PGBD5: variants seen among roughly 807,000 people sequenced by gnomAD.
The protein encoded by PGBD5 is piggyBac transposable element derived 5, also known as piggyBac transposable element-derived protein 5.
Under a neutral mutation model 47.9 loss-of-function variants are expected in PGBD5, and 14 were observed. The observed-to-expected ratio is 0.29, with a 90% confidence interval of 0.19 to 0.46. PGBD5 has a LOEUF of 0.46. Among genes scored for constraint, PGBD5 ranks in the 20% least tolerant of loss-of-function variants. The pLI, the probability that PGBD5 is intolerant of heterozygous loss-of-function variation, is 1.00. For missense variants in PGBD5, 635 were observed against 716.0 expected, an observed-to-expected ratio of 0.89 and a Z score of 1.29; for synonymous variants, 316 against 306.3, an observed-to-expected ratio of 1.03 and a Z score of -0.33.
Position 230,318,890 on chromosome 1 carries a change from T to C in PGBD5, c.*4535A>G, listed in dbSNP as rs1666987770. ...CCTACCAGGCTAACTTCAGCTTCAG[T>C]AGTTGTTAAGCTCCAAAACACCCAT... On this transcript the variant is annotated 3_prime_UTR_variant, in exon 7 of 7. Coordinates refer to ENST00000391860, the MANE Select transcript of PGBD5 (RefSeq NM_001258311.2). 2 of 152,218 alleles carry C rather than the reference T, an allele frequency of 1.3e-5. No individual in the cohort carries two copies. The highest frequency in any genetic ancestry group is 1.5e-5 in the Non-Finnish European group (1 of 68,090). The allele number at this position is 152,218 out of a possible 1,614,324, so 9.4% of individuals were successfully genotyped here. A position where few individuals can be genotyped will look rare whatever the true frequency, so the allele number is the denominator to read the frequency against.
In PGBD5 at chr1:230,425,812, G is replaced by A. The variant is rs1657767034; in HGVS notation, c.117C>T (p.Asp39=). 3 of 1,209,118 alleles carry A rather than the reference G, an allele frequency of 2.5e-6. No homozygotes were observed. Among genetic ancestry groups the A allele is most frequent in the Admixed American group, 8.8e-5 (2 of 22,806 alleles). 74.9% of individuals were successfully genotyped at this position (1,209,118 alleles called of 1,614,324 possible). A position where few individuals can be genotyped will look rare whatever the true frequency, so the allele number is the denominator to read the frequency against. The stretch of plus-strand genomic sequence containing the variant: ...TGCTGTAGAAGGGGTTCCCGCCGCT[G>A]TCCGGGCCGGACTCGCCGAACACGT... ...SDDVFGESGP[D]SGGNPFYSTS... The change falls in exon 1 of 7, where the codon GAC becomes GAT. Residue 39 remains aspartate, a synonymous_variant. Transcript: ENST00000391860. The surrounding 1 kb of genome is among the most constrained non-coding windows in gnomAD (Gnocchi z 4.7).
chr1:230,402,994 C>A (rs1657180905), intron 1 of PGBD5, among the ~76,000 whole-genome samples: 2 of 152,174 alleles, frequency 1.3e-5, no homozygotes, highest in African/African-American at 4.8e-5. Flanking sequence ...GTGAACCGCA[C>A]ATCACTCCAT....
chr1:230,368,137 G>T, intron 1 of PGBD5: 1 of 1,367,868 alleles, frequency 7.3e-7, no homozygotes, highest in South Asian at 1.1e-5. Flanking sequence ...GTGGTGGTGA[G>T]GAGGAGGCTG....
Position 230,326,268 on chromosome 1 carries a change from G to A in PGBD5, c.1274-853C>T, listed in dbSNP as rs572313402. Reference sequence around the variant, plus strand: ...CCCCATCTCTACTAAAAATACAAAAGTTAGCTGGGCACGGTGGCAGGCGCC... The same window carrying A: ...CCCCATCTCTACTAAAAATACAAAAATTAGCTGGGCACGGTGGCAGGCGCC... On this transcript the variant is annotated intron_variant, in intron 5 of 6. Coordinates refer to ENST00000391860, the MANE Select transcript of PGBD5 (RefSeq NM_001258311.2). Among the ~76,000 whole-genome samples the A allele has an allele frequency of 4.3e-4, 65 of 152,162 alleles. 3 individuals are homozygous for A. The Middle Eastern group carries it at 0.01, about 24-fold the overall frequency.
intron 1 of PGBD5, among the ~76,000 whole-genome samples, chr1:230,368,330 G>A (rs866271756): frequency 4.6e-5 from 7 of 152,272 alleles, no homozygotes; most frequent in East Asian, 1.9e-4. Context: ...TGTGCGGCCC[G>A]GCAGGGCAGG....
In PGBD5 at chr1:230,381,372, C is replaced by T. The variant is rs375615735; in HGVS notation, c.332-24051G>A. 6.6e-4 allele frequency among the ~76,000 whole-genome samples: 101 copies of T among 152,362 alleles called. No homozygotes were observed. In the East Asian group the frequency reaches 0.015, roughly 23 times the overall value. ...GGGGAACATGCACACGCTGCTGCTG[C>T]CTGCACTCTGGAGCAGCCTCCTTCC... On this transcript the variant is annotated intron_variant, in intron 1 of 6. Transcript: ENST00000391860.
At chr1:230,351,802 T>C (rs1667564089) in intron 2 of PGBD5, among the ~76,000 whole-genome samples, 1 of 152,196 alleles carries the variant, frequency 6.6e-6, no homozygotes, top group Admixed American at 6.5e-5. Flanking sequence ...CAAGGCAATT[T>C]TGAAACTAAT....
intron 1 of PGBD5, among the ~76,000 whole-genome samples, chr1:230,360,488 G>T (rs1292454980): frequency 6.6e-6 from 1 of 152,180 alleles, no homozygotes; most frequent in African/African-American, 2.4e-5. Flanking sequence ...GTTGGGGAGG[G>T]ACCTCCATGG....
chr1:230,352,318 C>T (rs929672509), intron 2 of PGBD5, among the ~76,000 whole-genome samples: 2 of 152,158 alleles, frequency 1.3e-5, no homozygotes, highest in Non-Finnish European at 1.5e-5. Flanking sequence ...AATCAGTCAC[C>T]TGAGGATCCT....
chr1:230,352,259 C>A (rs572693991), intron 2 of PGBD5, among the ~76,000 whole-genome samples: 21 of 152,196 alleles, frequency 1.4e-4, no homozygotes, highest in Non-Finnish European at 2.5e-4. Flanking sequence ...CACACCGATA[C>A]AAAGTCTAAA....
At chr1:230,346,468 C>T (rs541538671) in intron 3 of PGBD5, among the ~76,000 whole-genome samples, 19 of 152,254 alleles carry the variant, frequency 1.2e-4, no homozygotes, top group South Asian at 4.1e-4. Flanking sequence ...CAGTGGAACC[C>T]GACCAGCCTG....
intron 3 of PGBD5, among the ~76,000 whole-genome samples, chr1:230,350,227 T>C (rs910493950): frequency 6.6e-6 from 1 of 152,192 alleles, no homozygotes; most frequent in African/African-American, 2.4e-5. Context: ...AAAACTAGAC[T>C]AGGCAGGGAG....
chr1:230,354,502 A>G (rs1176129598), intron 2 of PGBD5, among the ~76,000 whole-genome samples: 4 of 152,172 alleles, frequency 2.6e-5, no homozygotes, highest in African/African-American at 9.7e-5. Flanking sequence ...AGCCCCTTAA[A>G]CTTATTTCGA....
At chr1:230,351,661 C>A (rs1667562630) in intron 2 of PGBD5, among the ~76,000 whole-genome samples, 1 of 152,122 alleles carries the variant, frequency 6.6e-6, no homozygotes, top group Non-Finnish European at 1.5e-5. Flanking sequence ...CAGCCCACGA[C>A]CTCCTTCTTC....
rs893629192 is a variant in PGBD5 at position 230,316,538 on chromosome 1, A to C, written c.*6887T>G. On this transcript the variant is annotated 3_prime_UTR_variant, in exon 7 of 7. Transcript: ENST00000391860. ...CTCAAGGGGGAAACTAGAAGTTTTA[A>C]AAAGACAGGAAAGTCTAGAGAAAGA... is the stretch of plus-strand genomic sequence containing the variant. 2.0e-5 allele frequency: 3 copies of C among 152,222 alleles called. No individual in the cohort carries two copies. The highest frequency in any genetic ancestry group is 7.2e-5 in the African/African-American group (3 of 41,454). The allele number at this position is 152,222 out of a possible 1,614,324, so 9.4% of individuals were successfully genotyped here.
intron 1 of PGBD5, among the ~76,000 whole-genome samples, chr1:230,383,716 A>G (rs1656568327): frequency 6.6e-6 from 1 of 152,072 alleles, no homozygotes; most frequent in South Asian, 2.1e-4. Flanking sequence ...AATTCCTCAA[A>G]GTTGGAGAGC....
chr1:230,404,450 A>G (rs910723782), intron 1 of PGBD5, among the ~76,000 whole-genome samples: 2 of 151,802 alleles, frequency 1.3e-5, no homozygotes, highest in Non-Finnish European at 2.9e-5. Flanking sequence ...AAATAATTTT[A>G]AAAAATTAGC....
intron 1 of PGBD5, among the ~76,000 whole-genome samples, chr1:230,405,532 G>C (rs916514376): frequency 2.6e-5 from 4 of 152,032 alleles, no homozygotes; most frequent in Non-Finnish European, 5.9e-5. Context: ...TATATTATTG[G>C]TAAAGCTTCC....
chr1:230,384,426 C>A (rs921766809), intron 1 of PGBD5, among the ~76,000 whole-genome samples: 1 of 151,942 alleles, frequency 6.6e-6, no homozygotes, highest in Non-Finnish European at 1.5e-5. Flanking sequence ...GAGACCAACC[C>A]AGGTTCAAAT....
Sources: gnomAD v4.1 joint callset for allele counts (sites outside exome capture counted in the v4.1 genomes callset) on GRCh38, gnomAD v4.1.1 for gene constraint, Gnocchi (gnomAD v3.1) non-coding constraint, MANE v1.5 for transcripts, NCBI Gene and HGNC (gene_info 2026-07-23, HGNC 2026-07-21) for gene names.